The following RAPGEF6 variants were observed in gnomAD, a reference collection of about 807,000 sequenced individuals.
The protein encoded by RAPGEF6 is Rap guanine nucleotide exchange factor 6, also known as PDZ domain containing guanine nucleotide exchange factor (GEF) 2.
RAPGEF6 carries 56 observed loss-of-function variants against 171.4 expected under a neutral mutation model. That is an observed-to-expected ratio of 0.33 (90% confidence interval 0.26 to 0.41). The LOEUF (loss-of-function observed/expected upper bound fraction) is 0.41. Among genes scored for constraint, RAPGEF6 ranks in the 10% least tolerant of loss-of-function variants. The probability of loss-of-function intolerance (pLI) is 1.00; values close to 1 mark genes in which losing one functional copy is unlikely to be tolerated. For synonymous variants in RAPGEF6, 692 were observed against 650.1 expected, an observed-to-expected ratio of 1.06 and a Z score of -0.98; for missense variants, 1,674 against 1,921.4, an observed-to-expected ratio of 0.87 and a Z score of 2.41.
At chr5:131,575,788 C>T (rs1223137110) in intron 4 of RAPGEF6, among the ~76,000 whole-genome samples, 4 of 152,128 alleles carry the variant, frequency 2.6e-5, no homozygotes, top group Admixed American at 6.5e-5. Flanking sequence ...GCTGTGCGGT[C>T]GGAGTTCTCT....
chr5:131,630,772 A>G (rs1766256114), intron 1 of RAPGEF6, among the ~76,000 whole-genome samples: 2 of 152,332 alleles, frequency 1.3e-5, no homozygotes, highest in South Asian at 4.1e-4. Flanking sequence ...GGAACCATTC[A>G]TTTTGTCCCA....
At chr5:131,584,664 T>C (rs1763144448) in intron 4 of RAPGEF6, among the ~76,000 whole-genome samples, 1 of 152,202 alleles carries the variant, frequency 6.6e-6, no homozygotes, top group East Asian at 1.9e-4. Flanking sequence ...GAGATGTCTT[T>C]TCAGGTTTTT....
intron 1 of RAPGEF6, among the ~76,000 whole-genome samples, chr5:131,633,493 G>A (rs1193909305): frequency 1.3e-5 from 2 of 152,144 alleles, no homozygotes; most frequent in African/African-American, 4.8e-5. Flanking sequence ...ACTTTGGGAG[G>A]CCAACGCGGG....
At chr5:131,621,860 C>A (rs1193661072) in intron 1 of RAPGEF6, among the ~76,000 whole-genome samples, 3 of 152,080 alleles carry the variant, frequency 2.0e-5, no homozygotes, top group Admixed American at 6.5e-5. Flanking sequence ...TTGAACAGCA[C>A]CTGCCTACCC....
Position 131,424,602 on chromosome 5 carries a change from C to T in RAPGEF6, c.*2664G>A, listed in dbSNP as rs1210054605. 2 of 152,252 alleles carry T rather than the reference C, an allele frequency of 1.3e-5. No individual in the cohort carries two copies. The highest frequency in any genetic ancestry group is 2.4e-5 in the African/African-American group (1 of 41,432). The allele number at this position is 152,252 out of a possible 1,614,324, so 9.4% of individuals were successfully genotyped here. A position where few individuals can be genotyped will look rare whatever the true frequency, so the allele number is the denominator to read the frequency against. ...AGATTCTCAAGGAGGTGATATAGAT[C>T]GCAATGATGTGATTTATCACCCTCA... On this transcript the variant is annotated 3_prime_UTR_variant, in exon 28 of 28. Coordinates refer to ENST00000509018, the MANE Select transcript of RAPGEF6 (RefSeq NM_016340.6).
chr5:131,604,048 T>C (rs1276413588), intron 2 of RAPGEF6, among the ~76,000 whole-genome samples: 1 of 151,990 alleles, frequency 6.6e-6, no homozygotes, highest in African/African-American at 2.4e-5. Context: ...GCCAGCCCAT[T>C]TTTCAGAAGA....
intron 1 of RAPGEF6, 145 bp downstream of exon 1, chr5:131,634,817 T>C (rs777881987): frequency 1.3e-5 from 13 of 963,350 alleles, no homozygotes; most frequent in Admixed American, 6.1e-5. Context: ...GACAAGGGCC[T>C]GGGTCAGGGA....
chr5:131,478,936 T>C (rs995148751), intron 16 of RAPGEF6, among the ~76,000 whole-genome samples: 3 of 152,224 alleles, frequency 2.0e-5, no homozygotes, highest in African/African-American at 7.2e-5. Context: ...ATTAGAACTT[T>C]TGTAATTGCT....
chr5:131,511,342 A>T (rs1316085531), intron 7 of RAPGEF6: 1 of 152,152 alleles, frequency 6.6e-6, no homozygotes, highest in Non-Finnish European at 1.5e-5. Flanking sequence ...GCATTATAGA[A>T]AAAATGAGTG....
At chr5:131,477,910 A>C (rs1755215736) in intron 16 of RAPGEF6, among the ~76,000 whole-genome samples, 1 of 152,094 alleles carries the variant, frequency 6.6e-6, no homozygotes, top group Admixed American at 6.5e-5. Flanking sequence ...TCCCTTTTTC[A>C]CAGTGACTTC....
intron 1 of RAPGEF6, among the ~76,000 whole-genome samples, chr5:131,631,250 A>G (rs1004786246): frequency 2.6e-5 from 4 of 152,146 alleles, no homozygotes. Flanking sequence ...CCTCTTACTC[A>G]TTTCTAACAG....
chr5:131,592,855 A>G (rs1244544105), intron 3 of RAPGEF6, among the ~76,000 whole-genome samples: 1 of 152,262 alleles, frequency 6.6e-6, no homozygotes, highest in East Asian at 1.9e-4. Flanking sequence ...GAAGAATTGT[A>G]TCACACTTGT....
At chr5:131,458,316 A>AC (rs954573802) in intron 19 of RAPGEF6, among the ~76,000 whole-genome samples, 4 of 152,122 alleles carry the variant, frequency 2.6e-5, no homozygotes, top group Admixed American at 2.0e-4. Flanking sequence ...AAAGTGTGGC[A>AC]CTTCCCCCCT....
chr5:131,586,003 T>C (rs1195498863), intron 4 of RAPGEF6, among the ~76,000 whole-genome samples: 1 of 152,160 alleles, frequency 6.6e-6, no homozygotes, highest in Non-Finnish European at 1.5e-5. Context: ...TCTGACCACC[T>C]TGAGCACATG....
intron 5 of RAPGEF6, among the ~76,000 whole-genome samples, chr5:131,553,566 C>A (rs924517299): frequency 1.3e-5 from 2 of 151,898 alleles, no homozygotes; most frequent in Admixed American, 1.3e-4. Flanking sequence ...AAGGTATAGA[C>A]AACACACACA....
At chr5:131,503,697 A>C (rs1424586603) in intron 11 of RAPGEF6, among the ~76,000 whole-genome samples, 3 of 152,218 alleles carry the variant, frequency 2.0e-5, no homozygotes, top group Admixed American at 6.5e-5. Flanking sequence ...TCTTTCAACT[A>C]TAATTGTTCA....
intron 17 of RAPGEF6, among the ~76,000 whole-genome samples, chr5:131,469,304 T>C (rs1754587330): frequency 6.6e-6 from 1 of 152,202 alleles, no homozygotes; most frequent in Non-Finnish European, 1.5e-5. Context: ...TATTCTATCT[T>C]ATTCTGGCAG....
rs80195994 is a variant in RAPGEF6, at chr5:131,573,021, G to A, written c.282-10974C>T. Among the ~76,000 whole-genome samples the A allele has an allele frequency of 7.2e-3, 1,092 of 152,040 alleles. 7 individuals are homozygous for A. Among genetic ancestry groups the A allele is most frequent in the African/African-American group, 0.024 (1,011 of 41,470 alleles). ...CCTCCCTAGTCTCTGCTCCCAGTGCGACTCATCCCAGACTTTCCTTCTTTC... is the reference window on the plus strand; with the variant it reads ...CCTCCCTAGTCTCTGCTCCCAGTGCAACTCATCCCAGACTTTCCTTCTTTC... On this transcript the variant is annotated intron_variant, in intron 4 of 27. Coordinates refer to ENST00000509018, the MANE Select transcript of RAPGEF6 (RefSeq NM_016340.6).
intron 8 of RAPGEF6, 32 bp downstream of exon 8, chr5:131,510,282 A>C (rs764074446): frequency 1.3e-6 from 2 of 1,567,358 alleles, no homozygotes; most frequent in South Asian, 2.4e-5. Context: ...ATTAAGTTAC[A>C]AATTCTTATT....
Sources: allele counts gnomAD v4.1 joint callset (sites outside exome capture counted in the v4.1 genomes callset), GRCh38; gene constraint gnomAD v4.1.1; transcripts MANE v1.5; gene names NCBI Gene and HGNC (gene_info 2026-07-23, HGNC 2026-07-21).